CCBE1: variants seen among roughly 807,000 people sequenced by gnomAD.
CCBE1 encodes the protein collagen and calcium-binding EGF domain-containing protein 1.
CCBE1 carries 37 observed loss-of-function variants against 50.0 expected under a neutral mutation model. The observed-to-expected ratio is 0.74, with a 90% confidence interval of 0.57 to 0.97. The LOEUF (loss-of-function observed/expected upper bound fraction) is 0.97. Among genes scored for constraint, CCBE1 ranks in the 50% least tolerant of loss-of-function variants. The pLI is 0.00. For missense variants in CCBE1, 538 were observed against 523.8 expected, an observed-to-expected ratio of 1.03 and a Z score of -0.26; for synonymous variants, 234 against 203.7, an observed-to-expected ratio of 1.15 and a Z score of -1.27.
chr18:59,488,438 T>C (rs370168775), intron 2 of CCBE1, among the ~76,000 whole-genome samples: 170 of 152,306 alleles, frequency 1.1e-3, no homozygotes, highest in African/African-American at 3.8e-3. Flanking sequence ...ACCCTGGTCA[T>C]GGTATCATCT....
intron 2 of CCBE1, among the ~76,000 whole-genome samples, chr18:59,692,264 G>T (rs2054742735): frequency 6.6e-6 from 1 of 152,170 alleles, no homozygotes; most frequent in African/African-American, 2.4e-5. Context: ...CTTCCTATGT[G>T]TCGTGAATTT....
chr18:59,514,813 A>G (rs1914299258), intron 2 of CCBE1, among the ~76,000 whole-genome samples: 1 of 152,026 alleles, frequency 6.6e-6, no homozygotes, highest in East Asian at 1.9e-4. Context: ...GACACATTTT[A>G]AGTTTTTTTT....
intron 2 of CCBE1, among the ~76,000 whole-genome samples, chr18:59,556,259 A>G (rs1374986980): frequency 6.6e-6 from 1 of 152,196 alleles, no homozygotes; most frequent in Non-Finnish European, 1.5e-5. Context: ...AGATCTCAGC[A>G]GAGCCAAATT....
intron 2 of CCBE1, among the ~76,000 whole-genome samples, chr18:59,520,797 TTTC>T (rs1914565519): frequency 6.6e-6 from 1 of 152,234 alleles, no homozygotes; most frequent in African/African-American, 2.4e-5. Flanking sequence ...TGAGCATTGT[TTTC>T]TTCTCTGAAA....
rs954088255 is a variant in CCBE1 at position 59,650,695 on chromosome 18, G to T, written c.212+45934C>A. 3.3e-5 allele frequency among the ~76,000 whole-genome samples: 5 copies of T among 151,072 alleles called. No homozygotes were observed. The South Asian group carries it at 1.0e-3, about 32-fold the overall frequency. On this transcript the variant is annotated intron_variant, in intron 2 of 10. Coordinates refer to ENST00000439986, the MANE Select transcript of CCBE1 (RefSeq NM_133459.4). ...CTCTCTCTGCTTGGAATTTACAGCC[G>T]CCTCTTCTGGTTACCAAACATCTTT...
intron 2 of CCBE1, chr18:59,563,959 C>T (rs552672148): frequency 3.9e-5 from 6 of 152,252 alleles, no homozygotes; most frequent in South Asian, 2.1e-4. Context: ...GCAGCATAGA[C>T]GTGAGAATAA....
intron 2 of CCBE1, among the ~76,000 whole-genome samples, chr18:59,501,688 G>A (rs1476758431): frequency 6.6e-6 from 1 of 152,174 alleles, no homozygotes; most frequent in East Asian, 1.9e-4. Flanking sequence ...GAAAACTAAA[G>A]ATCTTTGGTT....
intron 2 of CCBE1, among the ~76,000 whole-genome samples, chr18:59,561,982 C>T (rs76619616): frequency 0.069 from 10,505 of 152,210 alleles, 427 homozygotes; most frequent in Non-Finnish European, 0.093. Flanking sequence ...CACCCACCCT[C>T]TCCCCTCAGA....
At chr18:59,661,286 G>A (rs1297688475) in intron 2 of CCBE1, among the ~76,000 whole-genome samples, 1 of 152,204 alleles carries the variant, frequency 6.6e-6, no homozygotes, top group African/African-American at 2.4e-5. Context: ...TGAAGAAGCT[G>A]GGACACTGTT....
chr18:59,546,965 G>C (rs1915709132), intron 2 of CCBE1, among the ~76,000 whole-genome samples: 1 of 150,210 alleles, frequency 6.7e-6, no homozygotes, highest in African/African-American at 2.5e-5. Context: ...TATTGTAAAA[G>C]CCCAGGTGAG....
At chr18:59,600,859 G>T (rs1240622062) in intron 2 of CCBE1, among the ~76,000 whole-genome samples, 1 of 151,994 alleles carries the variant, frequency 6.6e-6, no homozygotes, top group Non-Finnish European at 1.5e-5. Context: ...CTTCAAGAAG[G>T]CTTTAAGGTT....
At chr18:59,638,594 A>G (rs1354293338) in intron 2 of CCBE1, among the ~76,000 whole-genome samples, 2 of 152,220 alleles carry the variant, frequency 1.3e-5, no homozygotes, top group African/African-American at 4.8e-5. Flanking sequence ...TTCAGATTTC[A>G]AGTAGACTAA....
At chr18:59,506,049 G>C (rs143707431) in intron 2 of CCBE1, among the ~76,000 whole-genome samples, 2 of 152,228 alleles carry the variant, frequency 1.3e-5, no homozygotes, top group African/African-American at 4.8e-5. Context: ...AGGAACCTCA[G>C]AATGTGGTCT....
Position 59,433,036 on chromosome 18 carries a change from G to A in CCBE1, c.*2872C>T, listed in dbSNP as rs1909997178. On this transcript the variant is annotated 3_prime_UTR_variant, in exon 11 of 11. Coordinates refer to ENST00000439986, the MANE Select transcript of CCBE1 (RefSeq NM_133459.4). ...GGCAAACATTAAATATATTCCAGAT[G>A]GGAATCAACAGCTGTTCAGTTCCTC... 6.6e-6 allele frequency: 1 copy of A among 151,808 alleles called. No homozygotes were observed. Among genetic ancestry groups the A allele is most frequent in the African/African-American group, 2.4e-5 (1 of 41,304 alleles). 9.4% of individuals were successfully genotyped at this position (151,808 alleles called of 1,614,324 possible).
intron 2 of CCBE1, among the ~76,000 whole-genome samples, chr18:59,491,533 G>A (rs1913094556): frequency 6.6e-6 from 1 of 152,144 alleles, no homozygotes; most frequent in Admixed American, 6.5e-5. Context: ...AATAAAAATG[G>A]CCAGCCGTGG....
At chr18:59,655,746 G>A (rs899603779) in intron 2 of CCBE1, among the ~76,000 whole-genome samples, 2 of 152,012 alleles carry the variant, frequency 1.3e-5, no homozygotes, top group African/African-American at 4.8e-5. Context: ...AGGCAGGCAG[G>A]GCTACGGAGG....
Position 59,433,922 on chromosome 18 carries a change from GAC to G in CCBE1, c.*1984_*1985del, listed in dbSNP as rs1384847172. 3.5e-5 allele frequency: 3 copies of G among 85,454 alleles called. No individual in the cohort carries two copies. Among genetic ancestry groups the G allele is most frequent in the South Asian group, 4.4e-4 (1 of 2,294 alleles). The allele number at this position is 85,454 out of a possible 1,614,324, so 5.3% of individuals were successfully genotyped here. A position where few individuals can be genotyped will look rare whatever the true frequency, so the allele number is the denominator to read the frequency against. ...TTTTTTTTTTTTTTTTTTTTAATGA[GAC>G]AGAGTCTCCCTCTGTTGCCTAGGCT... On this transcript the variant is annotated 3_prime_UTR_variant, in exon 11 of 11. Transcript: ENST00000439986.
chr18:59,612,244 G>T (rs1458497718), intron 2 of CCBE1, among the ~76,000 whole-genome samples: 4 of 141,294 alleles, frequency 2.8e-5, no homozygotes, highest in African/African-American at 1.1e-4. Flanking sequence ...GTATACATAT[G>T]TAACTATCCT....
At chr18:59,656,173 A>G (rs2054186824) in intron 2 of CCBE1, among the ~76,000 whole-genome samples, 1 of 152,270 alleles carries the variant, frequency 6.6e-6, no homozygotes, top group Admixed American at 6.5e-5. Flanking sequence ...TTACAATTAT[A>G]TTATTAAATA....
Sources: allele counts gnomAD v4.1 joint callset (sites outside exome capture counted in the v4.1 genomes callset), GRCh38; gene constraint gnomAD v4.1.1; transcripts MANE v1.5; gene names NCBI Gene and HGNC (gene_info 2026-07-23, HGNC 2026-07-21).